UGDH: variants seen among roughly 807,000 people sequenced by gnomAD.
The protein encoded by UGDH is UDP-glucose 6-dehydrogenase.
Under a neutral mutation model 50.6 loss-of-function variants are expected in UGDH, and 38 were observed. That is an observed-to-expected ratio of 0.75 (90% CI 0.58 to 0.98). The LOEUF (loss-of-function observed/expected upper bound fraction) is 0.98. Ranked by LOEUF, UGDH falls within the 50% of genes least tolerant of loss-of-function variation. The probability of loss-of-function intolerance (pLI) is 0.00; values close to 1 mark genes in which losing one functional copy is unlikely to be tolerated. For missense variants in UGDH, 465 were observed against 606.2 expected (o/e 0.77, Z 2.45); for synonymous variants, 168 against 199.9 (o/e 0.84, Z 1.35).
intron 2 of UGDH, among the ~76,000 whole-genome samples, chr4:39,514,646 T>C (rs1746374807): frequency 6.6e-6 from 1 of 151,842 alleles, no homozygotes; most frequent in Non-Finnish European, 1.5e-5. Flanking sequence ...GCTGGGATTA[T>C]AGGAGTGAGC....
intron 1 of UGDH, chr4:39,526,943 C>T: frequency 8.5e-7 from 1 of 1,178,278 alleles, no homozygotes; most frequent in South Asian, 1.3e-5. Context: ...AGGTCCCCAA[C>T]GAGAGAACCG....
intron 11 of UGDH, among the ~76,000 whole-genome samples, chr4:39,501,144 T>G (rs991651892): frequency 2.6e-5 from 4 of 151,692 alleles, no homozygotes; most frequent in Admixed American, 1.3e-4. Context: ...GTTTTTGTAT[T>G]TTTAGTAGAG....
chr4:39,509,676 T>C, intron 6 of UGDH, 84 bp downstream of exon 6: 1 of 1,434,612 alleles, frequency 7.0e-7, no homozygotes, highest in Non-Finnish European at 9.3e-7. Flanking sequence ...TTCAATGAGA[T>C]ATATAAAGCG....
Position 39,500,132 on chromosome 4 carries a change from A to C in UGDH, c.*11T>G. On this transcript the variant is annotated 3_prime_UTR_variant, in exon 12 of 12. Coordinates refer to ENST00000316423, the MANE Select transcript of UGDH (RefSeq NM_003359.4). ...AAAAAAAAAAAAAATCACAAATAAA[A>C]ATGGCAATCTCTACACTTTAGGTTT... 6.8e-7 allele frequency: 1 copy of C among 1,478,880 alleles called. No homozygotes were observed. Among genetic ancestry groups the C allele is most frequent in the African/African-American group, 1.4e-5 (1 of 70,858 alleles). The allele number at this position is 1,478,880 out of a possible 1,614,324, so 91.6% of individuals were successfully genotyped here.
In UGDH at chr4:39,511,556, C is replaced by A. The variant is rs571466922; in HGVS notation, c.265-695G>T. On this transcript the variant is annotated intron_variant, in intron 3 of 11. Coordinates refer to ENST00000316423, the MANE Select transcript of UGDH (RefSeq NM_003359.4). Reference sequence around the variant, plus strand: ...GGGATTACAGGCGTGAGCCACCGCACCTGGCCTCCTTTCTTATTCCCCTAT... The same window carrying A: ...GGGATTACAGGCGTGAGCCACCGCAACTGGCCTCCTTTCTTATTCCCCTAT... 5.3e-5 allele frequency among the ~76,000 whole-genome samples: 8 copies of A among 152,240 alleles called. No individual in the cohort carries two copies. In the East Asian group the frequency reaches 1.5e-3, roughly 29 times the overall value.
At chr4:39,510,246 G>T in intron 5 of UGDH, 107 bp downstream of exon 5, 1 of 1,143,614 alleles carries the variant, frequency 8.7e-7, no homozygotes. Context: ...ATCTTCAAAA[G>T]CATAACCTCT....
At chr4:39,519,029 G>A (rs146604758) in intron 2 of UGDH, among the ~76,000 whole-genome samples, 11,207 of 152,086 alleles carry the variant, frequency 0.074, 473 homozygotes, top group Middle Eastern at 0.16. Context: ...CAATTCTCTC[G>A]CCTCAGCCTC....
rs1404655725 is a variant in UGDH, at chr4:39,521,517, G to A, written c.-5C>T. On this transcript the variant is annotated splice_region_variant and 5_prime_UTR_variant, in exon 2 of 12. Coordinates refer to ENST00000316423, the MANE Select transcript of UGDH (RefSeq NM_003359.4). Reference sequence around the variant, plus strand: ...GATCTTCTTAATTTCAAACATGATTGTACTAGAAGGAAAACAGTAAGACTG... The same window carrying A: ...GATCTTCTTAATTTCAAACATGATTATACTAGAAGGAAAACAGTAAGACTG... 6.3e-6 allele frequency: 10 copies of A among 1,582,004 alleles called. No individual in the cohort carries two copies. Among genetic ancestry groups the A allele is most frequent in the African/African-American group, 1.4e-5 (1 of 73,722 alleles).
chr4:39,510,345 A>G lies in UGDH; in HGVS notation c.663+8T>C. ...AATTTAATGAAGAGTTGAATGCTAT[A>G]TACTAACCAGTTTGGAAAGCTCTGA... On this transcript the variant is annotated splice_region_variant and intron_variant, in intron 5 of 11. Transcript: ENST00000316423. 6.2e-7 allele frequency: 1 copy of G among 1,614,118 alleles called. No individual in the cohort carries two copies. Among genetic ancestry groups the G allele is most frequent in the Non-Finnish European group, 8.5e-7 (1 of 1,179,942 alleles).
intron 2 of UGDH, among the ~76,000 whole-genome samples, chr4:39,517,931 T>C (rs962852197): frequency 1.3e-5 from 2 of 152,154 alleles, no homozygotes; most frequent in East Asian, 1.9e-4. Context: ...TCTTTTTGTT[T>C]GTTTGTTTGT....
chr4:39,498,765 T>C lies in UGDH; in HGVS notation c.*1378A>G, dbSNP rs1008896823. ...AAAATTACACCCATATAGTTGTTGATGGAGAATGTTTTATTTATGTAATTT... is the reference window on the plus strand; with the variant it reads ...AAAATTACACCCATATAGTTGTTGACGGAGAATGTTTTATTTATGTAATTT... On this transcript the variant is annotated 3_prime_UTR_variant, in exon 12 of 12. Transcript: ENST00000316423. The C allele has an allele frequency of 6.6e-6, 1 of 152,220 alleles. No homozygotes were observed. The highest frequency in any genetic ancestry group is 2.4e-5 in the African/African-American group (1 of 41,464). The allele number at this position is 152,220 out of a possible 1,614,324, so 9.4% of individuals were successfully genotyped here. A position where few individuals can be genotyped will look rare whatever the true frequency, so the allele number is the denominator to read the frequency against.
Position 39,521,347 on chromosome 4 carries a change from T to C in UGDH, c.162+4A>G. ...AAAAACAAAGAGATGTTTAATATGT[T>C]TACCTCATAAATAGGAAGTGTAGGA... On this transcript the variant is annotated splice_donor_region_variant and intron_variant, in intron 2 of 11. Coordinates refer to ENST00000316423, the MANE Select transcript of UGDH (RefSeq NM_003359.4). 1 of 1,602,800 alleles carries C rather than the reference T, an allele frequency of 6.2e-7. No homozygotes were observed.
intron 9 of UGDH, 94 bp from the exon 10 acceptor site, chr4:39,504,602 G>GA: frequency 1.9e-6 from 2 of 1,074,482 alleles, no homozygotes; most frequent in Non-Finnish European, 2.8e-6. Flanking sequence ...TACATTCCAA[G>GA]ACCCCCAGTA....
intron 10 of UGDH, among the ~76,000 whole-genome samples, 178 bp from the exon 11 acceptor site, chr4:39,504,163 T>C (rs1269546562): frequency 1.3e-5 from 2 of 151,542 alleles, no homozygotes; most frequent in African/African-American, 4.9e-5. Context: ...AAAAAATTAG[T>C]TGGGCGTGGT....
intron 5 of UGDH, 99 bp downstream of exon 5, chr4:39,510,254 T>C: frequency 8.2e-7 from 1 of 1,225,694 alleles, no homozygotes; most frequent in African/African-American, 1.5e-5. Context: ...AAGCATAACC[T>C]CTTACTACTA....
At chr4:39,501,782 A>G (rs944818334) in intron 11 of UGDH, among the ~76,000 whole-genome samples, 1 of 152,172 alleles carries the variant, frequency 6.6e-6, no homozygotes. Flanking sequence ...ATGATAATCA[A>G]TTTTGGTTTT....
intron 2 of UGDH, among the ~76,000 whole-genome samples, chr4:39,517,244 C>T (rs28581731): frequency 0.21 from 31,569 of 148,904 alleles, 5,109 homozygotes; most frequent in African/African-American, 0.44. Context: ...CACTCTGTTG[C>T]TAGGCTGGAG....
intron 3 of UGDH, among the ~76,000 whole-genome samples, chr4:39,513,531 C>CT (rs10707997): frequency 0.016 from 1,436 of 87,820 alleles, 11 homozygotes; most frequent in Non-Finnish European, 0.021. Context: ...TTTCCTAGTT[C>CT]TTTTTTTTTT....
intron 2 of UGDH, among the ~76,000 whole-genome samples, chr4:39,519,781 C>A (rs1398279384): frequency 6.6e-6 from 1 of 152,076 alleles, no homozygotes; most frequent in African/African-American, 2.4e-5. Flanking sequence ...CTCAGGTAAT[C>A]CGCCTGCCTT....
Sources: gnomAD v4.1 joint callset for allele counts (sites outside exome capture counted in the v4.1 genomes callset) on GRCh38, gnomAD v4.1.1 for gene constraint, MANE v1.5 for transcripts, NCBI Gene and HGNC (gene_info 2026-07-23, HGNC 2026-07-21) for gene names.